Variants in APBA1 observed in about 807,000 individuals in gnomAD.
APBA1 encodes the protein amyloid beta precursor protein binding family A member 1.
APBA1 carries 55 observed loss-of-function variants against 86.6 expected under a neutral mutation model. The observed-to-expected ratio is 0.64, with a 90% CI of 0.51 to 0.80. APBA1 has a LOEUF of 0.80. Among genes scored for constraint, APBA1 ranks in the 30% least tolerant of loss-of-function variants. The pLI, the probability that APBA1 is intolerant of heterozygous loss-of-function variation, is 0.00. For missense variants in APBA1, 1,090 were observed against 1,183.0 expected, an observed-to-expected ratio of 0.92 and a Z score of 1.15; for synonymous variants, 511 against 493.9, an observed-to-expected ratio of 1.03 and a Z score of -0.46.
At chr9:69,629,131 T>G (rs1174018465) in intron 1 of APBA1, among the ~76,000 whole-genome samples, 2 of 152,162 alleles carry the variant, frequency 1.3e-5, no homozygotes, top group African/African-American at 4.8e-5. Flanking sequence ...AAAGTCTGAA[T>G]TGAAACCAAT....
chr9:69,653,544 T>G (rs1050204023), intron 1 of APBA1, among the ~76,000 whole-genome samples: 1 of 152,182 alleles, frequency 6.6e-6, no homozygotes, highest in African/African-American at 2.4e-5. Flanking sequence ...TTTTCCAGGA[T>G]AGACCACATG....
intron 1 of APBA1, among the ~76,000 whole-genome samples, chr9:69,529,885 G>T (rs1444906043): frequency 6.6e-6 from 1 of 152,006 alleles, no homozygotes; most frequent in African/African-American, 2.4e-5. Flanking sequence ...CTGTGCAAAT[G>T]ACATGAGCAG....
At chr9:69,663,158 C>T (rs1823784209) in intron 1 of APBA1, among the ~76,000 whole-genome samples, 1 of 152,170 alleles carries the variant, frequency 6.6e-6, no homozygotes, top group Non-Finnish European at 1.5e-5. Context: ...GGTTGGCAAA[C>T]ATACAGAACA....
rs975790224 is a variant in APBA1, at chr9:69,427,820, C to T, written c.*3507G>A. 1.2e-4 allele frequency: 18 copies of T among 152,014 alleles called. No individual in the cohort carries two copies. The highest frequency in any genetic ancestry group is 2.6e-4 in the Admixed American group (4 of 15,272). 9.4% of individuals were successfully genotyped at this position (152,014 alleles called of 1,614,324 possible). A position where few individuals can be genotyped will look rare whatever the true frequency, so the allele number is the denominator to read the frequency against. ...CATTGAGTTTTGTGTATACAAAGAACGATATTGTTACAAATACAATACTAT... is the reference window on the plus strand; with the variant it reads ...CATTGAGTTTTGTGTATACAAAGAATGATATTGTTACAAATACAATACTAT... On this transcript the variant is annotated 3_prime_UTR_variant, in exon 13 of 13. Transcript: ENST00000265381.
Position 69,610,548 on chromosome 9 carries a change from TTG to T in APBA1, c.-70+61603_-70+61604del, listed in dbSNP as rs566301228. 1.8e-3 allele frequency among the ~76,000 whole-genome samples: 271 copies of T among 152,264 alleles called. 1 individual carries two copies. The highest frequency in any genetic ancestry group is 6.0e-3 in the African/African-American group (249 of 41,550). On this transcript the variant is annotated intron_variant, in intron 1 of 12. Coordinates refer to ENST00000265381, the MANE Select transcript of APBA1 (RefSeq NM_001163.4). ...TTTTATGGGCACTCTGATTTTGGTT[TTG>T]TTTTGGTTTTGTTACATGTCTGTCA...
chr9:69,514,596 C>A (rs899026687), intron 2 of APBA1, among the ~76,000 whole-genome samples: 3 of 149,418 alleles, frequency 2.0e-5, no homozygotes, highest in Non-Finnish European at 4.5e-5. Flanking sequence ...TCTCAAAAAA[C>A]CAAACCAAAA....
At chr9:69,587,531 T>G (rs978546727) in intron 1 of APBA1, among the ~76,000 whole-genome samples, 2 of 152,168 alleles carry the variant, frequency 1.3e-5, no homozygotes, top group Non-Finnish European at 2.9e-5. Context: ...CCTGAGCACA[T>G]GAGAAAATGA....
rs977463815 is a variant in APBA1 at position 69,428,981 on chromosome 9, A to G, written c.*2346T>C. On this transcript the variant is annotated 3_prime_UTR_variant, in exon 13 of 13. Coordinates refer to ENST00000265381, the MANE Select transcript of APBA1 (RefSeq NM_001163.4). ...TTTTTCAGCACCTCTCAAAGTTTAC[A>G]AGGTTTTTGTGCAATAGGAATAGAA... 1 of 152,240 alleles carries G rather than the reference A, an allele frequency of 6.6e-6. No individual in the cohort carries two copies. The highest frequency in any genetic ancestry group is 1.5e-5 in the Non-Finnish European group (1 of 68,050). The allele number at this position is 152,240 out of a possible 1,614,324, so 9.4% of individuals were successfully genotyped here.
intron 1 of APBA1, among the ~76,000 whole-genome samples, chr9:69,587,604 T>C (rs527763410): frequency 6.6e-6 from 1 of 152,294 alleles, no homozygotes; most frequent in African/African-American, 2.4e-5. Context: ...CTAAGAATTA[T>C]GAGTAGAAGT....
rs541321436 is a variant in APBA1, at chr9:69,506,157, T to C, written c.1200+9854A>G. Among the ~76,000 whole-genome samples the C allele has an allele frequency of 2.8e-3, 420 of 151,402 alleles. 2 individuals carry two copies. Among genetic ancestry groups the C allele is most frequent in the African/African-American group, 9.8e-3 (403 of 41,198 alleles). The stretch of plus-strand genomic sequence containing the variant: ...ATTTCTGCATTTCCATCTGAGGTAC[T>C]GGGTTCATCTCACTAGGGAGTGCCA... On this transcript the variant is annotated intron_variant, in intron 2 of 12. Transcript: ENST00000265381.
chr9:69,578,327 T>C (rs184590870), intron 1 of APBA1, among the ~76,000 whole-genome samples: 1,634 of 152,278 alleles, frequency 0.011, 29 homozygotes, highest in Non-Finnish European at 0.015. Context: ...GCTGGCCACA[T>C]GGTGGTTTTC....
chr9:69,628,066 A>C (rs1049828841), intron 1 of APBA1, among the ~76,000 whole-genome samples: 2 of 152,146 alleles, frequency 1.3e-5, no homozygotes, highest in Non-Finnish European at 2.9e-5. Flanking sequence ...ACCATATAAG[A>C]CATGGTTTGG....
chr9:69,550,296 A>G (rs1206891464), intron 1 of APBA1, among the ~76,000 whole-genome samples: 1 of 152,190 alleles, frequency 6.6e-6, no homozygotes, highest in Non-Finnish European at 1.5e-5. Context: ...TGATATAAAC[A>G]TGAGTTAGAT....
intron 1 of APBA1, among the ~76,000 whole-genome samples, chr9:69,550,359 C>T (rs1290493684): frequency 1.3e-5 from 2 of 152,090 alleles, no homozygotes; most frequent in Admixed American, 1.3e-4. Context: ...TTTTCTCATC[C>T]TCTTTCTCAA....
chr9:69,531,527 A>C (rs1836433695), intron 1 of APBA1, among the ~76,000 whole-genome samples: 1 of 151,920 alleles, frequency 6.6e-6, no homozygotes, highest in Non-Finnish European at 1.5e-5. Context: ...CTGTCATTGC[A>C]CCTGCTCCTT....
chr9:69,481,526 G>C (rs923208532), intron 2 of APBA1, among the ~76,000 whole-genome samples: 4 of 151,724 alleles, frequency 2.6e-5, no homozygotes, highest in African/African-American at 7.3e-5. Flanking sequence ...AATCAATATC[G>C]TGAAAATGGT....
intron 1 of APBA1, among the ~76,000 whole-genome samples, chr9:69,662,449 G>A (rs1038460573): frequency 1.3e-5 from 2 of 152,110 alleles, no homozygotes; most frequent in Non-Finnish European, 1.5e-5. Context: ...TAGCTAGCCT[G>A]CCATAAAGAA....
chr9:69,561,519 G>A (rs1341724959), intron 1 of APBA1, among the ~76,000 whole-genome samples: 1 of 152,058 alleles, frequency 6.6e-6, no homozygotes, highest in Non-Finnish European at 1.5e-5. Context: ...ACCAAAGAAA[G>A]TTCATTACAA....
chr9:69,506,360 C>G (rs28769886), intron 2 of APBA1, among the ~76,000 whole-genome samples: 19,533 of 136,196 alleles, frequency 0.14, 1,943 homozygotes, highest in East Asian at 0.28. Context: ...CTTTTCGGAC[C>G]GGCTTAAAAA....
Sources: allele counts gnomAD v4.1 joint callset (sites outside exome capture counted in the v4.1 genomes callset), GRCh38; gene constraint gnomAD v4.1.1; transcripts MANE v1.5; gene names NCBI Gene and HGNC (gene_info 2026-07-23, HGNC 2026-07-21).